CNTNAP3B: variants seen among roughly 807,000 people sequenced by gnomAD.
CNTNAP3B encodes the protein contactin associated protein family member 3B.
CNTNAP3B carries 25 observed loss-of-function variants against 108.9 expected under a neutral mutation model. The observed-to-expected ratio is 0.23, with a 90% CI of 0.17 to 0.32. CNTNAP3B has a LOEUF of 0.32. Among genes scored for constraint, CNTNAP3B ranks in the 10% least tolerant of loss-of-function variants. The probability of loss-of-function intolerance (pLI) is 1.00; values close to 1 mark genes in which losing one functional copy is unlikely to be tolerated. For missense variants in CNTNAP3B, 252 were observed against 1,210.4 expected (o/e 0.21, Z 11.75); for synonymous variants, 103 against 473.4 (o/e 0.22, Z 10.16).
chr9:41,973,025 C>T (rs1350099216), intron 9 of CNTNAP3B, among the ~76,000 whole-genome samples: 3 of 133,270 alleles, frequency 2.3e-5, no homozygotes, highest in African/African-American at 5.8e-5. Flanking sequence ...GCAAGCTCCA[C>T]CACCCAGGTT....
intron 1 of CNTNAP3B, among the ~76,000 whole-genome samples, chr9:42,112,094 G>T (rs553550603): frequency 1.4e-5 from 2 of 139,318 alleles, no homozygotes; most frequent in Non-Finnish European, 1.5e-5. Context: ...TCTCAGATGC[G>T]CTTCCTCCTT....
intron 3 of CNTNAP3B, among the ~76,000 whole-genome samples, chr9:42,041,805 T>A (rs1418955683): frequency 7.0e-6 from 1 of 142,010 alleles, no homozygotes; most frequent in African/African-American, 2.7e-5. Flanking sequence ...ATTGCGACAC[T>A]ATCTGCAATA....
Position 41,977,606 on chromosome 9 carries a change from G to A in CNTNAP3B, c.1478-7361C>T, listed in dbSNP as rs930174170. On this transcript the variant is annotated intron_variant, in intron 9 of 23. Coordinates refer to ENST00000377561, the MANE Select transcript of CNTNAP3B (RefSeq NM_001201380.3). ...ATTTCCATGCTGACAGCCAATTTTAGGGATGAATTTTACCTTTTTTTTTTT... is the reference window on the plus strand; with the variant it reads ...ATTTCCATGCTGACAGCCAATTTTAAGGATGAATTTTACCTTTTTTTTTTT... 2.9e-5 allele frequency among the ~76,000 whole-genome samples: 4 copies of A among 137,682 alleles called. No homozygotes were observed. In the South Asian group the frequency reaches 7.0e-4, roughly 24 times the overall value. The allele number at this position is 137,682 out of a possible 152,430, so 90.3% of individuals were successfully genotyped here.
At position 41,977,425 on chromosome 9, in the gene CNTNAP3B, A is replaced by C. The variant is rs1400818164; in HGVS notation, c.1478-7180T>G. Among the ~76,000 whole-genome samples the C allele has an allele frequency of 2.1e-5, 3 of 139,722 alleles. 1 individual carries two copies. Among genetic ancestry groups the C allele is most frequent in the African/African-American group, 8.5e-5 (3 of 35,360 alleles). 91.7% of individuals were successfully genotyped at this position (139,722 alleles called of 152,430 possible). A position where few individuals can be genotyped will look rare whatever the true frequency, so the allele number is the denominator to read the frequency against. The stretch of plus-strand genomic sequence containing the variant: ...TGTTATAAAATGTGTCATCTATAGC[A>C]AATGTTTTAATACAATTTGAGGCAC... On this transcript the variant is annotated intron_variant, in intron 9 of 23. Coordinates refer to ENST00000377561, the MANE Select transcript of CNTNAP3B (RefSeq NM_001201380.3).
rs62536500 is a variant in CNTNAP3B at position 41,953,398 on chromosome 9, C to T, written c.1877-12G>A. On this transcript the variant is annotated splice_polypyrimidine_tract_variant and intron_variant, in intron 12 of 23. Coordinates refer to ENST00000377561, the MANE Select transcript of CNTNAP3B (RefSeq NM_001201380.3). ...CCACGCGGAGTCTGCTGAGCAGAAA[C>T]GGGCAAAGGAGAGGCATCACTGGGC... The T allele has an allele frequency of 0.015, 23,038 of 1,532,976 alleles. 1 individual carries two copies. The highest frequency in any genetic ancestry group is 0.078 in the East Asian group (3,211 of 41,028). The allele number at this position is 1,532,976 out of a possible 1,614,324, so 95.0% of individuals were successfully genotyped here.
chr9:41,923,408 A>T, intron 16 of CNTNAP3B, among the ~76,000 whole-genome samples: 1 of 151,742 alleles, frequency 6.6e-6, no homozygotes, highest in Non-Finnish European at 1.5e-5. Flanking sequence ...ACTCTAGGGA[A>T]GGCATGACAT....
At chr9:41,941,984 C>A in intron 13 of CNTNAP3B, among the ~76,000 whole-genome samples, 1 of 152,298 alleles carries the variant, frequency 6.6e-6, no homozygotes. Flanking sequence ...ACATTATGTT[C>A]TCCTTAACAA....
intron 12 of CNTNAP3B, among the ~76,000 whole-genome samples, chr9:41,958,593 G>C (rs1191263962): frequency 1.3e-5 from 2 of 151,774 alleles, no homozygotes; most frequent in Non-Finnish European, 2.9e-5. Context: ...CCTCTGGGCT[G>C]TGACCTTCAC....
At chr9:41,933,350 G>A (rs1045678626) in intron 14 of CNTNAP3B, among the ~76,000 whole-genome samples, 67 of 152,378 alleles carry the variant, frequency 4.4e-4, no homozygotes, top group Admixed American at 7.8e-4. Context: ...AATGCCAAAT[G>A]TCCCAAGAGT....
At chr9:42,115,827 A>AT (rs1828302502) in intron 1 of CNTNAP3B, among the ~76,000 whole-genome samples, 4 of 120,772 alleles carry the variant, frequency 3.3e-5, no homozygotes, top group Admixed American at 2.6e-4. Context: ...AAGGAACACA[A>AT]CGCCTCGCCA....
chr9:41,968,843 T>G (rs1245745892), intron 10 of CNTNAP3B, among the ~76,000 whole-genome samples: 11 of 150,848 alleles, frequency 7.3e-5, no homozygotes, highest in South Asian at 4.2e-4. Context: ...TGTTGCCCAG[T>G]CTGGAGTGCA....
chr9:41,919,111 A>T (rs1279020657), intron 18 of CNTNAP3B, among the ~76,000 whole-genome samples: 1 of 152,248 alleles, frequency 6.6e-6, no homozygotes, highest in East Asian at 1.9e-4. Flanking sequence ...AGTACTTAAT[A>T]CTAAAATCAG....
chr9:41,956,273 C>T (rs1364675994), intron 12 of CNTNAP3B, among the ~76,000 whole-genome samples: 1 of 151,646 alleles, frequency 6.6e-6, no homozygotes, highest in Non-Finnish European at 1.5e-5. Flanking sequence ...GTAGTCCCAG[C>T]TACCGGGGAG....
chr9:41,924,676 C>CAA, intron 15 of CNTNAP3B, among the ~76,000 whole-genome samples: 3 of 151,468 alleles, frequency 2.0e-5, no homozygotes, highest in African/African-American at 7.3e-5. Flanking sequence ...CACACACACA[C>CAA]ACACACACAC....
At chr9:41,945,921 GAA>G (rs1824519286) in intron 13 of CNTNAP3B, among the ~76,000 whole-genome samples, 7 of 152,198 alleles carry the variant, frequency 4.6e-5, no homozygotes, top group African/African-American at 1.4e-4. Flanking sequence ...TAACCAAAAA[GAA>G]AGACAGAGTA....
rs1828633979 is a variant in CNTNAP3B at position 42,129,145 on chromosome 9, G to C, written c.-51C>G. On this transcript the variant is annotated 5_prime_UTR_variant, in exon 1 of 24. Coordinates refer to ENST00000377561, the MANE Select transcript of CNTNAP3B (RefSeq NM_001201380.3). Reference sequence around the variant, plus strand: ...ACCCGGGCACGGCGACGGCCGCTCTGCGTCGTTCCTGCTCTCACTCCCGCT... The same window carrying C: ...ACCCGGGCACGGCGACGGCCGCTCTCCGTCGTTCCTGCTCTCACTCCCGCT... 2.0e-6 allele frequency: 3 copies of C among 1,522,608 alleles called. No individual in the cohort carries two copies. Among genetic ancestry groups the C allele is most frequent in the Non-Finnish European group, 2.7e-6 (3 of 1,129,468 alleles). The allele number at this position is 1,522,608 out of a possible 1,614,324, so 94.3% of individuals were successfully genotyped here. A position where few individuals can be genotyped will look rare whatever the true frequency, so the allele number is the denominator to read the frequency against.
Position 42,111,915 on chromosome 9 carries a change from G to A in CNTNAP3B, c.86-7176C>T, listed in dbSNP as rs1385458677. On this transcript the variant is annotated intron_variant, in intron 1 of 23. Coordinates refer to ENST00000377561, the MANE Select transcript of CNTNAP3B (RefSeq NM_001201380.3). ...CCTTACATATCACCAGAGCAGAAAC[G>A]GTTTTAAACTATTGCTGAGTGCAAG... Among the ~76,000 whole-genome samples, 20 of 138,588 alleles carry A rather than the reference G, an allele frequency of 1.4e-4. 2 individuals carry two copies. The highest frequency in any genetic ancestry group is 4.4e-4 in the East Asian group (2 of 4,558). 90.9% of individuals were successfully genotyped at this position (138,588 alleles called of 152,430 possible).
Position 42,017,154 on chromosome 9 carries a change from A to G in CNTNAP3B, c.391-3629T>C, listed in dbSNP as rs1488446962. ...CACATGCTGGAAATATGTTTCATAA[A>G]TAACTTAGGAATTAATGACATTACT... On this transcript the variant is annotated intron_variant, in intron 3 of 23. Transcript: ENST00000377561. 2.9e-5 allele frequency among the ~76,000 whole-genome samples: 4 copies of G among 139,594 alleles called. 1 individual carries two copies. Among genetic ancestry groups the G allele is most frequent in the African/African-American group, 5.6e-5 (2 of 35,408 alleles). 91.6% of individuals were successfully genotyped at this position (139,594 alleles called of 152,430 possible).
At chr9:41,935,085 A>C in intron 14 of CNTNAP3B, among the ~76,000 whole-genome samples, 1 of 152,280 alleles carries the variant, frequency 6.6e-6, no homozygotes, top group African/African-American at 2.4e-5. Context: ...TCCACTATAC[A>C]TTTATACACA....
Sources: allele counts gnomAD v4.1 joint callset (sites outside exome capture counted in the v4.1 genomes callset), GRCh38; gene constraint gnomAD v4.1.1; transcripts MANE v1.5; gene names NCBI Gene and HGNC (gene_info 2026-07-23, HGNC 2026-07-21).